Variants in CSMD1 observed in about 807,000 individuals in gnomAD.
CSMD1 encodes the protein CUB and sushi domain-containing protein 1.
Under a neutral mutation model 417.5 loss-of-function variants are expected in CSMD1, and 213 were observed. The ratio of observed to expected loss-of-function variants is 0.51; its 90% CI spans 0.46 to 0.57. The LOEUF is 0.57. Ranked by LOEUF, CSMD1 falls within the 20% of genes least tolerant of loss-of-function variation. The pLI is 0.00. For missense variants in CSMD1, 6,923 were observed against 4,529.7 expected (o/e 1.53, Z -15.17); for synonymous variants, 2,862 against 1,736.8 (o/e 1.65, Z -16.11).
At chr8:4,945,734 C>G (rs1026004166) in intron 1 of CSMD1, among the ~76,000 whole-genome samples, 2 of 151,896 alleles carry the variant, frequency 1.3e-5, no homozygotes, top group African/African-American at 4.8e-5. Flanking sequence ...TTGGAGGGTA[C>G]AAGGAGGAGA....
intron 3 of CSMD1, among the ~76,000 whole-genome samples, chr8:4,064,134 C>T (rs1254737086): frequency 1.3e-5 from 2 of 152,096 alleles, no homozygotes; most frequent in East Asian, 1.9e-4. Flanking sequence ...ATTGTTTCTG[C>T]CTCTGATGTA....
At chr8:4,432,448 CT>C (rs763937543) in intron 2 of CSMD1, among the ~76,000 whole-genome samples, 1 of 152,128 alleles carries the variant, frequency 6.6e-6, no homozygotes. Context: ...AAGAAATGGA[CT>C]AATGACACAA....
At chr8:3,370,547 G>C (rs1345119578) in intron 18 of CSMD1, among the ~76,000 whole-genome samples, 3 of 152,210 alleles carry the variant, frequency 2.0e-5, no homozygotes, top group Admixed American at 6.5e-5. Context: ...CAGATAGCTG[G>C]TAAGAGGCCG....
At chr8:4,107,820 A>G (rs1430620187) in intron 3 of CSMD1, among the ~76,000 whole-genome samples, 4 of 152,236 alleles carry the variant, frequency 2.6e-5, no homozygotes, top group South Asian at 2.1e-4. Flanking sequence ...AGCCTGCTTT[A>G]TAAGAACGAA....
intron 5 of CSMD1, among the ~76,000 whole-genome samples, chr8:3,837,370 A>C (rs1250897267): frequency 1.3e-5 from 2 of 152,148 alleles, no homozygotes; most frequent in Admixed American, 1.3e-4. Context: ...TAAGCCACTA[A>C]ATGGTCTGCA....
At chr8:3,154,246 T>G (rs898288261) in intron 39 of CSMD1, among the ~76,000 whole-genome samples, 3 of 152,224 alleles carry the variant, frequency 2.0e-5, no homozygotes, top group Non-Finnish European at 4.4e-5. Flanking sequence ...GTGAGGGGAT[T>G]ACAGGCCTGA....
chr8:3,003,560 T>G (rs1308277839), intron 52 of CSMD1, among the ~76,000 whole-genome samples: 8 of 152,212 alleles, frequency 5.3e-5, no homozygotes, highest in Admixed American at 2.6e-4. Context: ...TTCATGTATT[T>G]GACAATAATT....
intron 16 of CSMD1, among the ~76,000 whole-genome samples, 172 bp from the exon 17 acceptor site, chr8:3,396,553 T>C (rs1311072855): frequency 6.6e-6 from 1 of 152,190 alleles, no homozygotes; most frequent in Non-Finnish European, 1.5e-5. Flanking sequence ...TATGTTCTTT[T>C]CTTGATGAGA....
intron 10 of CSMD1, among the ~76,000 whole-genome samples, chr8:3,554,947 G>T (rs1799079005): frequency 6.6e-6 from 1 of 152,024 alleles, no homozygotes; most frequent in Admixed American, 6.6e-5. Flanking sequence ...GGTCAGGGGT[G>T]TTAAAGAGAA....
chr8:4,173,697 C>G (rs1797888286), intron 3 of CSMD1, among the ~76,000 whole-genome samples: 2 of 151,992 alleles, frequency 1.3e-5, no homozygotes, highest in Admixed American at 6.6e-5. Flanking sequence ...TTCTGAATTA[C>G]TCAAATAATT....
intron 2 of CSMD1, among the ~76,000 whole-genome samples, chr8:4,485,530 T>A (rs1180612059): frequency 6.6e-6 from 1 of 152,290 alleles, no homozygotes; most frequent in East Asian, 1.9e-4. Context: ...AGTCCCTTAA[T>A]GGAATGGCAA....
intron 5 of CSMD1, among the ~76,000 whole-genome samples, chr8:3,771,589 G>T (rs55663067): frequency 0.014 from 2,081 of 152,190 alleles, 40 homozygotes; most frequent in African/African-American, 0.048. Flanking sequence ...GAGCCTCAGG[G>T]GCAGGGAGTC....
intron 6 of CSMD1, among the ~76,000 whole-genome samples, chr8:3,717,110 C>T (rs932359618): frequency 6.6e-6 from 1 of 152,158 alleles, no homozygotes; most frequent in African/African-American, 2.4e-5. Context: ...CAGTCTGCTT[C>T]AGAAATTATA....
chr8:4,528,265 C>A (rs771232285), intron 2 of CSMD1, among the ~76,000 whole-genome samples: 34 of 152,096 alleles, frequency 2.2e-4, no homozygotes, highest in Non-Finnish European at 5.9e-5. Flanking sequence ...CCCACAAGTC[C>A]AATTAATCCC....
At position 4,750,107 on chromosome 8, in the gene CSMD1, C is replaced by A. The variant is rs964337065; in HGVS notation, c.86-112549G>T. Among the ~76,000 whole-genome samples the A allele has an allele frequency of 5.8e-4, 88 of 152,212 alleles. No individual in the cohort carries two copies. The South Asian group carries it at 0.011, about 18-fold the overall frequency. On this transcript the variant is annotated intron_variant, in intron 1 of 69. Transcript: ENST00000635120. ...CGCAAGCTCCGCCTCCCGGGTTCAC[C>A]CCATTCTCCTGCCTCAGCCTCCCGA...
chr8:3,965,788 T>C (rs1430802467), intron 5 of CSMD1, among the ~76,000 whole-genome samples: 1 of 152,066 alleles, frequency 6.6e-6, no homozygotes, highest in Non-Finnish European at 1.5e-5. Flanking sequence ...TGGCTAATAT[T>C]TTGTACCTTT....
chr8:3,792,920 C>A (rs1011308952), intron 5 of CSMD1, among the ~76,000 whole-genome samples: 1 of 152,190 alleles, frequency 6.6e-6, no homozygotes, highest in African/African-American at 2.4e-5. Flanking sequence ...CCGTTAGGGT[C>A]TTTTTCCTTT....
chr8:3,997,840 G>C (rs1164837512), intron 5 of CSMD1, 63 bp downstream of exon 5: 14 of 1,403,400 alleles, frequency 1.0e-5, no homozygotes, highest in South Asian at 7.5e-5. Context: ...CTTGAAGCTC[G>C]TTGGGGGAAA....
chr8:3,483,667 C>A (rs1395639270), intron 11 of CSMD1, among the ~76,000 whole-genome samples: 1 of 151,904 alleles, frequency 6.6e-6, no homozygotes, highest in Non-Finnish European at 1.5e-5. Flanking sequence ...CAAAGTCAGA[C>A]AAAGGCAGTA....
Sources: allele counts gnomAD v4.1 joint callset (sites outside exome capture counted in the v4.1 genomes callset), GRCh38; gene constraint gnomAD v4.1.1; transcripts MANE v1.5; gene names NCBI Gene and HGNC (gene_info 2026-07-23, HGNC 2026-07-21).